The following ARHGEF3 variants were observed in gnomAD, a reference collection of about 807,000 sequenced individuals.
ARHGEF3 encodes the protein 59.8 kDA protein.
A neutral mutation model predicts 63.2 loss-of-function variants in ARHGEF3; 28 were observed. The observed-to-expected ratio is 0.44, with a 90% CI of 0.33 to 0.61. The LOEUF is 0.61. Ranked by LOEUF, ARHGEF3 falls within the 20% of genes least tolerant of loss-of-function variation. The pLI is 0.03. For missense variants in ARHGEF3, 533 were observed against 659.3 expected (o/e 0.81, Z 2.10); for synonymous variants, 266 against 254.2 (o/e 1.05, Z -0.44).
chr3:56,980,564 G>A (rs921297290), intron 2 of ARHGEF3, among the ~76,000 whole-genome samples: 1 of 152,142 alleles, frequency 6.6e-6, no homozygotes, highest in Non-Finnish European at 1.5e-5. Flanking sequence ...GCTCTTAGAA[G>A]AGCTAAGAAC....
intron 4 of ARHGEF3, among the ~76,000 whole-genome samples, chr3:56,834,746 CAAAAAAA>C (rs763133636): frequency 0.02 from 1,375 of 69,792 alleles, 17 homozygotes; most frequent in Middle Eastern, 0.058. Flanking sequence ...CTCTGACTTA[CAAAAAAA>C]AAAAAAAAAA....
chr3:56,926,675 T>C (rs1296821276), intron 3 of ARHGEF3, among the ~76,000 whole-genome samples: 1 of 152,184 alleles, frequency 6.6e-6, no homozygotes, highest in Non-Finnish European at 1.5e-5. Flanking sequence ...ACATGGATAA[T>C]TTATGGAGAA....
At chr3:57,059,732 C>A (rs901730231) in intron 1 of ARHGEF3, among the ~76,000 whole-genome samples, 3 of 152,170 alleles carry the variant, frequency 2.0e-5, no homozygotes, top group Non-Finnish European at 4.4e-5. Flanking sequence ...TATGGTGGCT[C>A]ACGCCTGTAA....
intron 2 of ARHGEF3, among the ~76,000 whole-genome samples, chr3:56,978,347 T>A (rs1036174004): frequency 1.3e-5 from 2 of 152,248 alleles, no homozygotes; most frequent in African/African-American, 4.8e-5. Context: ...TCCGGGGAAC[T>A]TGCATGTGCC....
At chr3:56,989,873 A>T (rs1701683411) in intron 2 of ARHGEF3, among the ~76,000 whole-genome samples, 1 of 152,172 alleles carries the variant, frequency 6.6e-6, no homozygotes. Context: ...TGTGAACTTG[A>T]CTTTCCTCCT....
intron 2 of ARHGEF3, among the ~76,000 whole-genome samples, chr3:57,004,187 C>T (rs9829299): frequency 0.025 from 3,835 of 152,236 alleles, 147 homozygotes; most frequent in African/African-American, 0.086. Context: ...CACACAGGAC[C>T]CTGACCTTCC....
intron 2 of ARHGEF3, among the ~76,000 whole-genome samples, chr3:56,996,477 G>T (rs1701990841): frequency 6.6e-6 from 1 of 152,094 alleles, no homozygotes; most frequent in East Asian, 1.9e-4. Context: ...TAAATGAATG[G>T]GATTAGTGCA....
chr3:57,056,785 G>A (rs1336325220), intron 1 of ARHGEF3, among the ~76,000 whole-genome samples: 2 of 152,094 alleles, frequency 1.3e-5, no homozygotes, highest in African/African-American at 4.8e-5. Flanking sequence ...TATACCACAA[G>A]GTCCTCTATG....
chr3:57,041,088 C>T (rs1008606858), intron 1 of ARHGEF3, among the ~76,000 whole-genome samples: 1 of 152,208 alleles, frequency 6.6e-6, no homozygotes, highest in African/African-American at 2.4e-5. Context: ...AACACCTACT[C>T]TTATCTCCCC....
intron 4 of ARHGEF3, among the ~76,000 whole-genome samples, chr3:56,842,008 T>A (rs1277388443): frequency 6.6e-6 from 1 of 152,180 alleles, no homozygotes; most frequent in Non-Finnish European, 1.5e-5. Context: ...TTATAGACAC[T>A]AGCTTAAGTA....
intron 3 of ARHGEF3, among the ~76,000 whole-genome samples, chr3:56,934,961 T>C (rs957740303): frequency 5.9e-5 from 9 of 152,352 alleles, no homozygotes; most frequent in Middle Eastern, 6.8e-3. Flanking sequence ...AGTCTTTATG[T>C]CTAGCTCAGG....
At chr3:56,949,707 A>G (rs1699704584) in intron 3 of ARHGEF3, among the ~76,000 whole-genome samples, 1 of 152,068 alleles carries the variant, frequency 6.6e-6, no homozygotes, top group African/African-American at 2.4e-5. Flanking sequence ...CATACTGCCC[A>G]AGGTAATTTA....
chr3:56,918,278 T>C (rs1321016677), intron 3 of ARHGEF3, among the ~76,000 whole-genome samples: 1 of 151,892 alleles, frequency 6.6e-6, no homozygotes, highest in Non-Finnish European at 1.5e-5. Flanking sequence ...CTTCAAGGAG[T>C]CCCAGCAGCC....
chr3:56,845,402 GAAAT>G (rs2039454389), intron 4 of ARHGEF3, among the ~76,000 whole-genome samples: 1 of 152,152 alleles, frequency 6.6e-6, no homozygotes, highest in African/African-American at 2.4e-5. Context: ...ACACAGGGGA[GAAAT>G]CATATACAGC....
rs780844683 is a variant in ARHGEF3, at chr3:56,755,062, C to T, written c.294G>A (p.Arg98=). ...SRNAAPSSTK[R]RDSKLWSETF... is the part of the protein sequence containing the mutation. ...TCTCACTCCACAGCTTGCTATCTCTCCGTTTCGTGCTCGAGGGGGCGGCAT... is the reference window on the plus strand; with the variant it reads ...TCTCACTCCACAGCTTGCTATCTCTTCGTTTCGTGCTCGAGGGGGCGGCAT... The change falls in exon 3 of 10, where the codon CGG becomes CGA. Residue 98 remains arginine, a synonymous_variant. Transcript: ENST00000296315. The T allele has an allele frequency of 1.5e-5, 25 of 1,614,022 alleles. 1 individual carries two copies. The East Asian group carries it at 5.3e-4, about 35-fold the overall frequency.
At chr3:56,796,143 A>T (rs1043729918) in intron 1 of ARHGEF3, among the ~76,000 whole-genome samples, 1 of 152,214 alleles carries the variant, frequency 6.6e-6, no homozygotes, top group Admixed American at 6.5e-5. Context: ...GCACACATAC[A>T]TGACAAAGTA....
At chr3:57,027,709 A>T (rs530808475) in intron 2 of ARHGEF3, among the ~76,000 whole-genome samples, 60 of 152,262 alleles carry the variant, frequency 3.9e-4, no homozygotes, top group African/African-American at 1.4e-3. Context: ...ACAAAAAAAA[A>T]TTAGCCAGAT....
intron 2 of ARHGEF3, among the ~76,000 whole-genome samples, chr3:56,989,770 C>T (rs1229390209): frequency 6.6e-6 from 1 of 152,220 alleles, no homozygotes; most frequent in East Asian, 1.9e-4. Flanking sequence ...TCTAACTCTC[C>T]TGGCTTTCTG....
At chr3:57,022,949 G>GC (rs1482347002) in intron 2 of ARHGEF3, among the ~76,000 whole-genome samples, 3 of 152,278 alleles carry the variant, frequency 2.0e-5, no homozygotes, top group Admixed American at 6.5e-5. Context: ...TGCAGGGCTT[G>GC]CTCTCTCAAC....
Sources: gnomAD v4.1 joint callset for allele counts (sites outside exome capture counted in the v4.1 genomes callset) on GRCh38, gnomAD v4.1.1 for gene constraint, MANE v1.5 for transcripts, NCBI Gene and HGNC (gene_info 2026-07-23, HGNC 2026-07-21) for gene names.